Variants in NXPH1 observed in about 807,000 individuals in gnomAD.
NXPH1 encodes the protein neurexophilin-1.
Under a neutral mutation model 23.7 loss-of-function variants are expected in NXPH1, and 5 were observed. That is an observed-to-expected ratio of 0.21 (90% CI 0.11 to 0.44). The LOEUF (loss-of-function observed/expected upper bound fraction) is 0.44, where lower values mean the gene tolerates loss of function less well. Ranked by LOEUF, NXPH1 falls within the 20% of genes least tolerant of loss-of-function variation. The pLI is 0.99. For synonymous variants in NXPH1, 144 were observed against 122.2 expected (o/e 1.18, Z -1.18); for missense variants, 324 against 321.6 (o/e 1.01, Z -0.06).
chr7:8,618,186 G>T (rs1244784481), intron 2 of NXPH1, among the ~76,000 whole-genome samples: 1 of 152,080 alleles, frequency 6.6e-6, no homozygotes. Context: ...GGGTAGAATG[G>T]ATACTCATGT....
chr7:8,742,954 A>AGTGTGTGC (rs201926389), intron 2 of NXPH1, among the ~76,000 whole-genome samples: 2 of 151,984 alleles, frequency 1.3e-5, no homozygotes, highest in African/African-American at 4.8e-5. Context: ...AAAGTTAGTG[A>AGTGTGTGC]GTGTGTGCGT....
intron 2 of NXPH1, among the ~76,000 whole-genome samples, chr7:8,511,482 G>A (rs1244970961): frequency 6.6e-6 from 1 of 152,064 alleles, no homozygotes; most frequent in Non-Finnish European, 1.5e-5. Flanking sequence ...CAGATGTGAG[G>A]CTGGTGTGTA....
At chr7:8,712,536 C>T (rs951928188) in intron 2 of NXPH1, among the ~76,000 whole-genome samples, 1 of 152,150 alleles carries the variant, frequency 6.6e-6, no homozygotes, top group Non-Finnish European at 1.5e-5. Context: ...GTCTCCACTC[C>T]TCATAAGATT....
chr7:8,652,940 T>TA (rs71014801), intron 2 of NXPH1, among the ~76,000 whole-genome samples: 107,136 of 151,658 alleles, frequency 0.71, 38,572 homozygotes, highest in East Asian at 1. Flanking sequence ...TTGATTTTTT[T>TA]AATATATTTT....
intron 2 of NXPH1, among the ~76,000 whole-genome samples, chr7:8,732,735 T>A (rs1375170719): frequency 6.6e-6 from 1 of 152,140 alleles, no homozygotes; most frequent in African/African-American, 2.4e-5. Context: ...AAATATAAGC[T>A]ATTTTTTTCT....
intron 2 of NXPH1, among the ~76,000 whole-genome samples, chr7:8,448,492 G>A (rs1816444806): frequency 6.6e-6 from 1 of 152,156 alleles, no homozygotes. Flanking sequence ...ATTTAGAGTG[G>A]ATAGTTACCT....
chr7:8,628,369 T>C (rs1183026011), intron 2 of NXPH1, among the ~76,000 whole-genome samples: 1 of 124,992 alleles, frequency 8.0e-6, no homozygotes, highest in African/African-American at 3.4e-5. Flanking sequence ...TATGCATAGG[T>C]GTTTTTTTTT....
rs572648101 is a variant in NXPH1 at position 8,554,753 on chromosome 7, T to C, written c.54+118986T>C. ...CCTTCTGTTCTTTAGGAAGGCTCTT[T>C]GCTTGAAATAATACAGCCCGTTCAC... On this transcript the variant is annotated intron_variant, in intron 2 of 2. Transcript: ENST00000405863. Among the ~76,000 whole-genome samples, 21 of 151,832 alleles carry C rather than the reference T, an allele frequency of 1.4e-4. No individual in the cohort carries two copies. The East Asian group carries it at 2.5e-3, about 18-fold the overall frequency.
chr7:8,578,452 G>A (rs915124553), intron 2 of NXPH1, among the ~76,000 whole-genome samples: 4 of 152,144 alleles, frequency 2.6e-5, no homozygotes, highest in African/African-American at 9.7e-5. Flanking sequence ...GTTACAATTC[G>A]AGCTTTTCAG....
intron 2 of NXPH1, among the ~76,000 whole-genome samples, chr7:8,597,224 A>C (rs1819245412): frequency 6.6e-6 from 1 of 152,134 alleles, no homozygotes; most frequent in South Asian, 2.1e-4. Context: ...TGACAACAAC[A>C]AAGACAGTTG....
intron 2 of NXPH1, among the ~76,000 whole-genome samples, chr7:8,746,828 C>A (rs1268852885): frequency 6.6e-6 from 1 of 150,980 alleles, no homozygotes; most frequent in Non-Finnish European, 1.5e-5. Flanking sequence ...TCATTTTCTC[C>A]CCATTTTCTT....
chr7:8,465,610 G>T (rs1433581279), intron 2 of NXPH1, among the ~76,000 whole-genome samples: 2 of 152,176 alleles, frequency 1.3e-5, no homozygotes, highest in Non-Finnish European at 2.9e-5. Flanking sequence ...CATTTTCACG[G>T]TCGCTTTCCA....
At chr7:8,618,010 C>T (rs925494711) in intron 2 of NXPH1, among the ~76,000 whole-genome samples, 1 of 151,946 alleles carries the variant, frequency 6.6e-6, no homozygotes, top group African/African-American at 2.4e-5. Flanking sequence ...TATGTACCCA[C>T]AAAAGTTAAA....
intron 2 of NXPH1, among the ~76,000 whole-genome samples, chr7:8,742,221 C>G (rs377706103): frequency 6.6e-6 from 1 of 152,052 alleles, no homozygotes; most frequent in Non-Finnish European, 1.5e-5. Flanking sequence ...CTCATTTTAT[C>G]CTATATGAAC....
At chr7:8,705,527 C>A (rs1440966044) in intron 2 of NXPH1, among the ~76,000 whole-genome samples, 1 of 152,160 alleles carries the variant, frequency 6.6e-6, no homozygotes, top group Non-Finnish European at 1.5e-5. Flanking sequence ...ATTATGTCCT[C>A]ATTTTATTTC....
At chr7:8,716,128 C>A (rs1779875038) in intron 2 of NXPH1, among the ~76,000 whole-genome samples, 1 of 152,098 alleles carries the variant, frequency 6.6e-6, no homozygotes, top group African/African-American at 2.4e-5. Flanking sequence ...AAACCCAGAA[C>A]CACAGGACTT....
chr7:8,537,073 T>C (rs1454253356), intron 2 of NXPH1, among the ~76,000 whole-genome samples: 2 of 151,986 alleles, frequency 1.3e-5, no homozygotes, highest in Non-Finnish European at 2.9e-5. Context: ...TTTTAAACCT[T>C]TTCTCTCTGA....
intron 2 of NXPH1, among the ~76,000 whole-genome samples, chr7:8,641,771 T>C (rs763468736): frequency 1.3e-5 from 2 of 152,240 alleles, no homozygotes; most frequent in Non-Finnish European, 2.9e-5. Flanking sequence ...ATATTTTTCA[T>C]GAGTTATATA....
intron 2 of NXPH1, among the ~76,000 whole-genome samples, chr7:8,451,152 A>AT (rs1190222468): frequency 9.9e-6 from 1 of 100,744 alleles, no homozygotes; most frequent in Non-Finnish European, 2.1e-5. Flanking sequence ...CCTTTTGCTT[A>AT]TTTTTTCTTA....
Sources: allele counts gnomAD v4.1 joint callset (sites outside exome capture counted in the v4.1 genomes callset), GRCh38; gene constraint gnomAD v4.1.1; transcripts MANE v1.5; gene names NCBI Gene and HGNC (gene_info 2026-07-23, HGNC 2026-07-21).